Variants in RAB1A observed in about 807,000 individuals in gnomAD.
RAB1A encodes ras-related protein Rab-1A.
In RAB1A, 2 loss-of-function variants were observed where a neutral mutation model predicts 26.0. That is an observed-to-expected ratio of 0.08 (90% confidence interval 0.03 to 0.24). RAB1A has a LOEUF of 0.24. Ranked by LOEUF, RAB1A falls within the 10% of genes least tolerant of loss-of-function variation. RAB1A has a pLI of 1.00. For missense variants in RAB1A, 100 were observed against 247.0 expected, an observed-to-expected ratio of 0.40 and a Z score of 3.99; for synonymous variants, 84 against 84.9, an observed-to-expected ratio of 0.99 and a Z score of 0.06.
intron 4 of RAB1A, among the ~76,000 whole-genome samples, chr2:65,089,508 G>A (rs1210595333): frequency 1.3e-5 from 2 of 152,024 alleles, no homozygotes; most frequent in Non-Finnish European, 2.9e-5. Context: ...CATTGCAGCT[G>A]GCCGTAAACA....
At chr2:65,101,741 C>CTTT (rs1558579506) in intron 2 of RAB1A, among the ~76,000 whole-genome samples, 8 of 129,946 alleles carry the variant, frequency 6.2e-5, no homozygotes, top group Non-Finnish European at 8.0e-5. Flanking sequence ...TGTATTACTT[C>CTTT]CTTTTTTTTT....
intron 1 of RAB1A, among the ~76,000 whole-genome samples, chr2:65,107,245 T>C (rs544805662): frequency 1.3e-5 from 2 of 151,852 alleles, no homozygotes; most frequent in East Asian, 1.9e-4. Flanking sequence ...TTTGTATTTC[T>C]AGTAAAGACG....
intron 2 of RAB1A, among the ~76,000 whole-genome samples, chr2:65,098,551 A>T (rs1272613368): frequency 6.6e-6 from 1 of 151,776 alleles, no homozygotes; most frequent in Non-Finnish European, 1.5e-5. Context: ...TTTAGATATA[A>T]TGCACATAAC....
rs749945984 is a variant in RAB1A at position 65,088,509 on chromosome 2, C to A, written c.602G>T (p.Gly201Val). The A allele has an allele frequency of 3.1e-6, 5 of 1,609,126 alleles. No homozygotes were observed. The highest frequency in any genetic ancestry group is 2.2e-5 in the South Asian group (2 of 89,780). Residue 201 changes from glycine (G) to valine (V), a missense_variant, in exon 6 of 6, where the codon GGT (glycine) becomes GTT (valine). Physicochemically the swap from Gly to Val is moderately radical, Grantham distance 109. Transcript: ENST00000409784. Reference sequence around the variant, plus strand: ...AGGCAAATTTTAGCAGCAACCTCCACCTGACTGCTTGACTGGAGTGCTCTG... The same window carrying A: ...AGGCAAATTTTAGCAGCAACCTCCAACTGACTGCTTGACTGGAGTGCTCTG... ...KIQSTPVKQS[G>V]GGCC is the part of the protein sequence containing the mutation.
At chr2:65,117,222 A>G (rs1454963453) in intron 1 of RAB1A, among the ~76,000 whole-genome samples, 2 of 151,096 alleles carry the variant, frequency 1.3e-5, no homozygotes, top group Non-Finnish European at 3.0e-5. Flanking sequence ...CACCAACCAC[A>G]CCTGGCTATT....
intron 1 of RAB1A, among the ~76,000 whole-genome samples, chr2:65,114,801 C>T (rs562354227): frequency 1.8e-4 from 28 of 151,632 alleles, no homozygotes; most frequent in African/African-American, 5.1e-4. Flanking sequence ...GCCGAGATTG[C>T]GCCACTGCAG....
chr2:65,107,154 C>T (rs1669581525), intron 1 of RAB1A, among the ~76,000 whole-genome samples: 1 of 152,024 alleles, frequency 6.6e-6, no homozygotes, highest in Non-Finnish European at 1.5e-5. Context: ...CAGCCTCCAC[C>T]TCCCAGGTTC....
At chr2:65,128,028 C>CT (rs1670143187) in intron 1 of RAB1A, among the ~76,000 whole-genome samples, 1 of 152,166 alleles carries the variant, frequency 6.6e-6, no homozygotes, top group South Asian at 2.1e-4. Context: ...GCCACCGCGC[C>CT]TGGCCTATAT....
In RAB1A at chr2:65,087,655, C is replaced by T. The variant is rs571130525; in HGVS notation, c.*838G>A. ...TTACATATAGTTTGAGCTCCCTGAA[C>T]CACTGAAGTTGGTTAAATCCCTACA... On this transcript the variant is annotated 3_prime_UTR_variant, in exon 6 of 6. Coordinates refer to ENST00000409784, the MANE Select transcript of RAB1A (RefSeq NM_004161.5). 6.5e-6 allele frequency: 1 copy of T among 152,690 alleles called. No homozygotes were observed. Among genetic ancestry groups the T allele is most frequent in the Non-Finnish European group, 1.5e-5 (1 of 68,024 alleles). The allele number at this position is 152,690 out of a possible 1,614,324, so 9.5% of individuals were successfully genotyped here.
chr2:65,129,993 T>C lies in RAB1A; in HGVS notation c.-78A>G. The C allele has an allele frequency of 6.7e-7, 1 of 1,493,074 alleles. No homozygotes were observed. Among genetic ancestry groups the C allele is most frequent in the Non-Finnish European group, 9.1e-7 (1 of 1,094,416 alleles). The allele number at this position is 1,493,074 out of a possible 1,614,324, so 92.5% of individuals were successfully genotyped here. A position where few individuals can be genotyped will look rare whatever the true frequency, so the allele number is the denominator to read the frequency against. ...CCCTGACTCTCCGCGCCACGGGTAA[T>C]CGAAAGAAAGGAATGAGATAGGCTG... On this transcript the variant is annotated 5_prime_UTR_variant, in exon 1 of 6. Coordinates refer to ENST00000409784, the MANE Select transcript of RAB1A (RefSeq NM_004161.5).
chr2:65,104,233 C>CT (rs1448857643), intron 2 of RAB1A, among the ~76,000 whole-genome samples: 2 of 151,396 alleles, frequency 1.3e-5, no homozygotes, highest in Non-Finnish European at 3.0e-5. Context: ...CTTTTATTAA[C>CT]TTTTTTTTTC....
chr2:65,108,336 A>G (rs1669612156), intron 1 of RAB1A, among the ~76,000 whole-genome samples: 1 of 146,128 alleles, frequency 6.8e-6, no homozygotes, highest in South Asian at 2.2e-4. Context: ...AGCCTAGGCA[A>G]CAAGAGCAAA....
chr2:65,127,940 T>C (rs1334262712), intron 1 of RAB1A, among the ~76,000 whole-genome samples: 1 of 152,066 alleles, frequency 6.6e-6, no homozygotes, highest in Non-Finnish European at 1.5e-5. Context: ...TTCACCGTGT[T>C]ACCGAGGATG....
chr2:65,111,413 G>A (rs1261328701), intron 1 of RAB1A, among the ~76,000 whole-genome samples: 1 of 151,456 alleles, frequency 6.6e-6, no homozygotes, highest in Non-Finnish European at 1.5e-5. Flanking sequence ...GACAACTGAC[G>A]GACATTCTAT....
intron 1 of RAB1A, among the ~76,000 whole-genome samples, chr2:65,108,592 A>C (rs1439810529): frequency 6.6e-6 from 1 of 152,072 alleles, no homozygotes; most frequent in Non-Finnish European, 1.5e-5. Context: ...GGATCACCTG[A>C]GGTTGGGAGT....
Position 65,088,953 on chromosome 2 carries a change from A to C in RAB1A, c.406T>G (p.Tyr136Asp). 2.5e-6 allele frequency: 4 copies of C among 1,605,292 alleles called. No individual in the cohort carries two copies. The highest frequency in any genetic ancestry group is 3.4e-6 in the Non-Finnish European group (4 of 1,175,306). The change falls in exon 5 of 6, where the codon TAC becomes GAC. Residue 136 changes from tyrosine (Y) to aspartate (D), a missense_variant. Physicochemically the swap from Tyr to Asp is radical, Grantham distance 160. This residue lies in a region of RAB1A where 67 missense variants were observed against 122.9 expected (regional missense o/e 0.55). Transcript: ENST00000409784. ...TTTAAACATACCTTCGCTGTTGTGTAGTCTACTACTTTCTTTGTGGTCAGA... is the reference window on the plus strand; with the variant it reads ...TTTAAACATACCTTCGCTGTTGTGTCGTCTACTACTTTCTTTGTGGTCAGA... ...CDLTTKKVVD[Y>D]TTAKEFADSL...
chr2:65,099,853 T>C (rs2103838658), intron 2 of RAB1A, among the ~76,000 whole-genome samples: 1 of 152,230 alleles, frequency 6.6e-6, no homozygotes, highest in East Asian at 1.9e-4. Context: ...CAGTTCTAGG[T>C]CTTCTAATTA....
At position 65,102,925 on chromosome 2, in the gene RAB1A, CA is replaced by C. The variant is rs879461402; in HGVS notation, c.96+1808del. Among the ~76,000 whole-genome samples the C allele has an allele frequency of 7.6e-3, 883 of 116,444 alleles. 8 individuals carry two copies. Among genetic ancestry groups the C allele is most frequent in the African/African-American group, 0.021 (679 of 31,784 alleles). 76.4% of individuals were successfully genotyped at this position (116,444 alleles called of 152,430 possible). A position where few individuals can be genotyped will look rare whatever the true frequency, so the allele number is the denominator to read the frequency against. On this transcript the variant is annotated intron_variant, in intron 2 of 5. Coordinates refer to ENST00000409784, the MANE Select transcript of RAB1A (RefSeq NM_004161.5). ...TGGGCAACAAAGCAATATTCCATCT[CA>C]AAAAAAAAAAAAGAAATGGTGTTCC...
At chr2:65,109,082 A>T (rs990555994) in intron 1 of RAB1A, among the ~76,000 whole-genome samples, 1 of 152,222 alleles carries the variant, frequency 6.6e-6, no homozygotes, top group Non-Finnish European at 1.5e-5. Flanking sequence ...GGGACATTTT[A>T]AATTACCTAC....
Sources: allele counts gnomAD v4.1 joint callset (sites outside exome capture counted in the v4.1 genomes callset), GRCh38; gene constraint gnomAD v4.1.1; regional missense constraint gnomAD v4.1.1; transcripts MANE v1.5; gene names NCBI Gene and HGNC (gene_info 2026-07-23, HGNC 2026-07-21).